The following PGRMC1 variants were observed in gnomAD, a reference collection of about 807,000 sequenced individuals.
PGRMC1 encodes progesterone receptor membrane component 1.
For missense variants in PGRMC1, 145 were observed against 169.0 expected, an observed-to-expected ratio of 0.86 and a Z score of 0.79; for synonymous variants, 73 against 77.3, an observed-to-expected ratio of 0.94 and a Z score of 0.29.
In PGRMC1 at chrX:119,243,830, G is replaced by A. The variant is rs1205227586; in HGVS notation, c.*576G>A. ...TTCTGTGTTTCTGGACTGCACTGTT[G>A]TCCTTGCCCTCACATAGACACTCAG... On this transcript the variant is annotated 3_prime_UTR_variant, in exon 3 of 3. Transcript: ENST00000217971. 1 of 117,093 alleles carries A rather than the reference G, an allele frequency of 8.5e-6. No homozygotes were observed. Among genetic ancestry groups the A allele is most frequent in the African/African-American group, 3.2e-5 (1 of 30,830 alleles). The allele number at this position is 117,093 out of a possible 1,213,427, so 9.6% of individuals were successfully genotyped here.
At position 119,237,707 on chromosome X, in the gene PGRMC1, C is replaced by CA. The variant is rs1403688494; in HGVS notation, c.328+1018dup. 5.4e-5 allele frequency among the ~76,000 whole-genome samples: 6 copies of CA among 110,675 alleles called. 1 individual carries two copies. Among genetic ancestry groups the CA allele is most frequent in the Admixed American group, 3.8e-4 (4 of 10,480 alleles). The stretch of plus-strand genomic sequence containing the variant: ...TGGGTGGGGGGATATCAGGAAAAGC[C>CA]AACCAGAGGGAAATGAAGAATGGAT... On this transcript the variant is annotated intron_variant, in intron 1 of 2. Transcript: ENST00000217971.
Position 119,236,609 on chromosome X carries a change from C to G in PGRMC1, c.246C>G (p.Asp82Glu). Reference sequence around the variant, plus strand: ...CCCCCGCCGAGCTGCGGCGCTTCGACGGCGTCCAGGACCCGCGCATACTCA... The same window carrying G: ...CCCCCGCCGAGCTGCGGCGCTTCGAGGGCGTCCAGGACCCGCGCATACTCA... ...DFTPAELRRF[D>E]GVQDPRILMA... Residue 82 changes from aspartate to glutamate, a missense_variant, in exon 1 of 3, where the codon GAC becomes GAG. Coordinates refer to ENST00000217971, the MANE Select transcript of PGRMC1 (RefSeq NM_006667.5). 2.5e-6 allele frequency: 3 copies of G among 1,206,588 alleles called. No homozygotes were observed. Among genetic ancestry groups the G allele is most frequent in the Non-Finnish European group, 3.4e-6 (3 of 892,977 alleles).
chrX:119,242,927 A>G (rs1930852328), intron 2 of PGRMC1, among the ~76,000 whole-genome samples: 1 of 112,255 alleles, frequency 8.9e-6, no homozygotes. Flanking sequence ...TACCTTGCAC[A>G]CTCATTGCCA....
In PGRMC1 at chrX:119,236,604, T is replaced by C. The variant is rs1271642585; in HGVS notation, c.241T>C (p.Phe81Leu). ...RDFTPAELRRFDGVQDPRILM... is the reference protein window; with the variant it reads ...RDFTPAELRRLDGVQDPRILM... ...CTTCACCCCCGCCGAGCTGCGGCGC[T>C]TCGACGGCGTCCAGGACCCGCGCAT... The change falls in exon 1 of 3, where the codon TTC becomes CTC. Residue 81 changes from phenylalanine to leucine, a missense_variant. Coordinates refer to ENST00000217971, the MANE Select transcript of PGRMC1 (RefSeq NM_006667.5). The C allele has an allele frequency of 8.3e-7, 1 of 1,205,179 alleles. No individual in the cohort carries two copies. Among genetic ancestry groups the C allele is most frequent in the African/African-American group, 1.7e-5 (1 of 57,318 alleles).
intron 1 of PGRMC1, 21 bp downstream of exon 1, chrX:119,236,712 G>A: frequency 8.8e-7 from 1 of 1,140,220 alleles, no homozygotes; most frequent in Non-Finnish European, 1.2e-6. Context: ...GGCGAGGGGG[G>A]CTTGGAGACA....
intron 1 of PGRMC1, among the ~76,000 whole-genome samples, chrX:119,238,639 A>C (rs1031520080): frequency 1.8e-5 from 2 of 112,203 alleles, no homozygotes; most frequent in Non-Finnish European, 3.8e-5. Context: ...TGATTGGGTC[A>C]TGACTAGCTG....
intron 1 of PGRMC1, among the ~76,000 whole-genome samples, chrX:119,238,712 G>A (rs982321261): frequency 8.9e-6 from 1 of 112,052 alleles, no homozygotes; most frequent in African/African-American, 3.2e-5. Flanking sequence ...AAGTGATAAA[G>A]ATGGCCTATT....
chrX:119,237,354 C>T (rs747152536), intron 1 of PGRMC1, among the ~76,000 whole-genome samples: 1 of 108,980 alleles, frequency 9.2e-6, no homozygotes, highest in South Asian at 4.1e-4. Context: ...TGTGATTTAT[C>T]AGGGGTGTGT....
At position 119,243,331 on chromosome X, in the gene PGRMC1, G is replaced by A; in HGVS notation, c.*77G>A. 1.6e-6 allele frequency: 1 copy of A among 611,083 alleles called. No homozygotes were observed. The highest frequency in any genetic ancestry group is 2.4e-5 in the South Asian group (1 of 42,522). 50.4% of individuals were successfully genotyped at this position (611,083 alleles called of 1,213,427 possible). ...CAGTCCACTCTGTCTTTAAAACATA[G>A]TGATTACAATATTTAGAAAGTTTTG... On this transcript the variant is annotated 3_prime_UTR_variant, in exon 3 of 3. Transcript: ENST00000217971.
chrX:119,236,898 G>A (rs960497968), intron 1 of PGRMC1, among the ~76,000 whole-genome samples: 1 of 112,362 alleles, frequency 8.9e-6, no homozygotes, highest in African/African-American at 3.2e-5. Context: ...GGGGCTGCGG[G>A]CCAGTCAGGG....
intron 1 of PGRMC1, among the ~76,000 whole-genome samples, chrX:119,237,764 C>T (rs1435433668): frequency 9.0e-6 from 1 of 110,774 alleles, no homozygotes; most frequent in African/African-American, 3.3e-5. Flanking sequence ...TTGGAGAAGG[C>T]AGGCCTGATG....
At position 119,243,470 on chromosome X, in the gene PGRMC1, G is replaced by A. The variant is rs1930867369; in HGVS notation, c.*216G>A. On this transcript the variant is annotated 3_prime_UTR_variant, in exon 3 of 3. Coordinates refer to ENST00000217971, the MANE Select transcript of PGRMC1 (RefSeq NM_006667.5). ...AATCCAGAAAGTGAACTGCAGTGCT[G>A]TAATACACATGTTAATACTGTTTTT... 2.4e-6 allele frequency: 1 copy of A among 422,253 alleles called. No homozygotes were observed. Among genetic ancestry groups the A allele is most frequent in the Non-Finnish European group, 4.2e-6 (1 of 238,584 alleles). The allele number at this position is 422,253 out of a possible 1,213,427, so 34.8% of individuals were successfully genotyped here.
In PGRMC1 at chrX:119,243,160, A is replaced by G. The variant is rs147630867; in HGVS notation, c.494A>G (p.His165Arg). The G allele has an allele frequency of 1.7e-3, 2,023 of 1,185,632 alleles. 1 individual carries two copies. The highest frequency in any genetic ancestry group is 2.2e-3 in the Non-Finnish European group (1,887 of 872,472). Reference sequence around the variant, plus strand: ...TCTTCTCTACCTCCAGTCAAGTATCATCACGTGGGCAAACTGCTGAAGGAG... The same window carrying G: ...TCTTCTCTACCTCCAGTCAAGTATCGTCACGTGGGCAAACTGCTGAAGGAG... ...DWESQFTFKY[H>R]HVGKLLKEGE... is the part of the protein sequence containing the mutation. The change falls in exon 3 of 3, where the codon CAT (histidine) becomes CGT (arginine). Residue 165 changes from histidine (H) to arginine (R), a missense_variant. Physicochemically the swap from His to Arg is conservative, Grantham distance 29. Coordinates refer to ENST00000217971, the MANE Select transcript of PGRMC1 (RefSeq NM_006667.5).
rs765978673 is a variant in PGRMC1, at chrX:119,236,712, G to T, written c.328+21G>T. On this transcript the variant is annotated intron_variant, in intron 1 of 2. Transcript: ENST00000217971. ...GCCCGGTACGCGGCCGGCGAGGGGG[G>T]CTTGGAGACAAAAGAAGGGGGCCCC... 94 of 1,139,132 alleles carry T rather than the reference G, an allele frequency of 8.3e-5. 1 individual carries two copies. Among genetic ancestry groups the T allele is most frequent in the Non-Finnish European group, 1.0e-4 (86 of 853,839 alleles). 93.9% of individuals were successfully genotyped at this position (1,139,132 alleles called of 1,213,427 possible). A position where few individuals can be genotyped will look rare whatever the true frequency, so the allele number is the denominator to read the frequency against.
In PGRMC1 at chrX:119,244,250, T is replaced by A. The variant is rs1341150942; in HGVS notation, c.*996T>A. The A allele has an allele frequency of 2.7e-5, 3 of 112,727 alleles. No individual in the cohort carries two copies. Among genetic ancestry groups the A allele is most frequent in the Non-Finnish European group, 5.6e-5 (3 of 53,254 alleles). 9.3% of individuals were successfully genotyped at this position (112,727 alleles called of 1,213,427 possible). ...CAAAAGTAGTAGTCAAGTGTCTAGG[T>A]CTTTGATATTGCTCTTTTGGTTAAC... On this transcript the variant is annotated 3_prime_UTR_variant, in exon 3 of 3. Coordinates refer to ENST00000217971, the MANE Select transcript of PGRMC1 (RefSeq NM_006667.5).
chrX:119,242,730 G>A lies in PGRMC1; in HGVS notation c.485-421G>A, dbSNP rs768873493. Among the ~76,000 whole-genome samples, 29 of 111,505 alleles carry A rather than the reference G, an allele frequency of 2.6e-4. No homozygotes were observed. The South Asian group carries it at 4.9e-3, about 19-fold the overall frequency. On this transcript the variant is annotated intron_variant, in intron 2 of 2. Transcript: ENST00000217971. Reference sequence around the variant, plus strand: ...GGTCTCTTCATTGCTTCCCAGATACGTTGTCTCACCTGTATGCATTTGTAC... The same window carrying A: ...GGTCTCTTCATTGCTTCCCAGATACATTGTCTCACCTGTATGCATTTGTAC...
intron 2 of PGRMC1, among the ~76,000 whole-genome samples, chrX:119,240,845 T>C (rs781683969): frequency 1.8e-5 from 2 of 112,037 alleles, no homozygotes; most frequent in Non-Finnish European, 3.8e-5. Context: ...GCAGCCCACA[T>C]CTCTGTTGAA....
intron 1 of PGRMC1, among the ~76,000 whole-genome samples, chrX:119,239,985 T>A (rs1930782251): frequency 8.9e-6 from 1 of 112,308 alleles, no homozygotes; most frequent in South Asian, 3.7e-4. Flanking sequence ...CAGTTCAATG[T>A]TCTTGTATGA....
chrX:119,238,324 G>C (rs982268776), intron 1 of PGRMC1, among the ~76,000 whole-genome samples: 1 of 111,732 alleles, frequency 8.9e-6, no homozygotes, highest in Non-Finnish European at 1.9e-5. Context: ...CAAAGTGCTG[G>C]GATTACAGGC....
Sources: gnomAD v4.1 joint callset for allele counts (sites outside exome capture counted in the v4.1 genomes callset) on GRCh38, gnomAD v4.1.1 for gene constraint, MANE v1.5 for transcripts, NCBI Gene and HGNC (gene_info 2026-07-23, HGNC 2026-07-21) for gene names.